The following C3orf33 variants were observed in gnomAD, a reference collection of about 807,000 sequenced individuals.
C3orf33 encodes the protein mitochondrial inner membrane subdomain organizer 1.
A neutral mutation model predicts 28.7 loss-of-function variants in C3orf33; 23 were observed. That is an observed-to-expected ratio of 0.80 (90% CI 0.58 to 1.13). C3orf33 has a LOEUF of 1.13. C3orf33 is among the 50% of genes most tolerant of loss of function. The pLI, the probability that C3orf33 is intolerant of heterozygous loss-of-function variation, is 0.00. For missense variants in C3orf33, 327 were observed against 353.4 expected (o/e 0.93, Z 0.60); for synonymous variants, 119 against 120.5 (o/e 0.99, Z 0.08).
At chr3:155,785,874 T>TA (rs1047484266) in intron 2 of C3orf33, among the ~76,000 whole-genome samples, 24 of 151,884 alleles carry the variant, frequency 1.6e-4, no homozygotes, top group African/African-American at 5.6e-4. Context: ...CCCTGTCTAC[T>TA]AAAAAAATAC....
intron 2 of C3orf33, among the ~76,000 whole-genome samples, chr3:155,781,928 T>A (rs1750936786): frequency 6.6e-6 from 1 of 150,614 alleles, no homozygotes; most frequent in Admixed American, 6.7e-5. Context: ...TACAAAAAAT[T>A]AGCCGGGTGT....
chr3:155,798,244 G>A (rs1001723381), intron 2 of C3orf33, among the ~76,000 whole-genome samples: 1 of 152,198 alleles, frequency 6.6e-6, no homozygotes, highest in East Asian at 1.9e-4. Context: ...AAATACCAAT[G>A]GCATTCTTCA....
intron 2 of C3orf33, among the ~76,000 whole-genome samples, chr3:155,778,151 A>AAAAC (rs1750807593): frequency 6.6e-6 from 1 of 151,508 alleles, no homozygotes; most frequent in Non-Finnish European, 1.5e-5. Flanking sequence ...CAAAAAAAAA[A>AAAAC]AAAAAAAAAA....
At chr3:155,769,446 C>A (rs1252543545) in intron 3 of C3orf33, among the ~76,000 whole-genome samples, 1 of 148,278 alleles carries the variant, frequency 6.7e-6, no homozygotes, top group East Asian at 2.0e-4. Context: ...CAAGATCGCA[C>A]CACTGCACTC....
intron 2 of C3orf33, among the ~76,000 whole-genome samples, chr3:155,797,415 T>A (rs1751506357): frequency 6.6e-6 from 1 of 152,110 alleles, no homozygotes; most frequent in Admixed American, 6.6e-5. Flanking sequence ...GATGCCCACT[T>A]TCACCACTGT....
At chr3:155,783,390 G>C (rs1750997895) in intron 2 of C3orf33, among the ~76,000 whole-genome samples, 1 of 151,796 alleles carries the variant, frequency 6.6e-6, no homozygotes, top group African/African-American at 2.4e-5. Context: ...CCTGACCTCA[G>C]GTGATCCACC....
chr3:155,786,948 C>G (rs563032328), intron 2 of C3orf33, among the ~76,000 whole-genome samples: 2 of 152,304 alleles, frequency 1.3e-5, no homozygotes, highest in African/African-American at 4.8e-5. Flanking sequence ...AATCTCCCAA[C>G]AAAAGGAAGC....
chr3:155,785,119 C>T (rs1751058881), intron 2 of C3orf33, among the ~76,000 whole-genome samples: 2 of 150,116 alleles, frequency 1.3e-5, no homozygotes, highest in Non-Finnish European at 3.0e-5. Context: ...AAAAAAGTTA[C>T]AACAGAAAAA....
At chr3:155,784,705 G>A (rs924600055) in intron 2 of C3orf33, among the ~76,000 whole-genome samples, 8 of 151,708 alleles carry the variant, frequency 5.3e-5, no homozygotes, top group African/African-American at 1.4e-4. Context: ...CAGCCTGGGT[G>A]AGAGAGTAAG....
intron 2 of C3orf33, among the ~76,000 whole-genome samples, chr3:155,776,397 T>G (rs750824271): frequency 3.3e-5 from 5 of 152,166 alleles, no homozygotes; most frequent in Non-Finnish European, 5.9e-5. Context: ...TTAGGTGATA[T>G]CCTGGAATCA....
At chr3:155,797,410 C>G (rs1017550843) in intron 2 of C3orf33, among the ~76,000 whole-genome samples, 1 of 152,048 alleles carries the variant, frequency 6.6e-6, no homozygotes, top group Non-Finnish European at 1.5e-5. Context: ...ACAAGGATGC[C>G]CACTTTCACC....
chr3:155,803,651 C>T (rs1453237808), intron 1 of C3orf33, among the ~76,000 whole-genome samples: 4 of 149,344 alleles, frequency 2.7e-5, no homozygotes, highest in South Asian at 4.2e-4. Context: ...GAGGCCGAGG[C>T]GGGTGGATCA....
At chr3:155,779,414 C>G (rs150129508) in intron 2 of C3orf33, among the ~76,000 whole-genome samples, 1 of 152,244 alleles carries the variant, frequency 6.6e-6, no homozygotes, top group East Asian at 1.9e-4. Context: ...CCTGCTGCAG[C>G]CTCCTGAGTA....
In C3orf33 at chr3:155,806,144, C is replaced by T; in HGVS notation, c.109G>A (p.Val37Ile). The change falls in exon 1 of 5, where the codon GTC (valine) becomes ATC (isoleucine). Residue 37 changes from valine (V) to isoleucine (I), a missense_variant. Val to Ile is a conservative substitution (Grantham distance 29, BLOSUM62 3). Transcript: ENST00000340171. ...AGACTGCGTGGCCCCAGTACCCGGACTAGGCGCAGGTGGTCGTCTGCCCAC... is the reference window on the plus strand; with the variant it reads ...AGACTGCGTGGCCCCAGTACCCGGATTAGGCGCAGGTGGTCGTCTGCCCAC... Reference protein sequence around the residue: ...SQWADDHLRLVRNISTGMAIA... With the variant: ...SQWADDHLRLIRNISTGMAIA... 2 of 1,463,862 alleles carry T rather than the reference C, an allele frequency of 1.4e-6. No homozygotes were observed. Among genetic ancestry groups the T allele is most frequent in the Non-Finnish European group, 1.8e-6 (2 of 1,099,640 alleles). 90.7% of individuals were successfully genotyped at this position (1,463,862 alleles called of 1,614,324 possible).
At position 155,763,568 on chromosome 3, in the gene C3orf33, T is replaced by C; in HGVS notation, c.834A>G (p.Ile278Met). 6.4e-7 allele frequency: 1 copy of C among 1,566,212 alleles called. No homozygotes were observed. The highest frequency in any genetic ancestry group is 8.6e-7 in the Non-Finnish European group (1 of 1,166,596). The part of the protein sequence containing the change: ...WKDNMNNCSL[I>M]LKFRELISRI... Reference sequence around the variant, plus strand: ...GACTTATAAGTTCTCTGAACTTCAGTATTAAGGAGCAGTTGTTCATGTTGT... The same window carrying C: ...GACTTATAAGTTCTCTGAACTTCAGCATTAAGGAGCAGTTGTTCATGTTGT... The change falls in exon 5 of 5, where the codon ATA becomes ATG. Residue 278 changes from isoleucine (I) to methionine (M), a missense_variant. Ile to Met is a conservative substitution (Grantham distance 10). Transcript: ENST00000340171.
chr3:155,797,476 GAAAT>G (rs1031512387), intron 2 of C3orf33, among the ~76,000 whole-genome samples: 10 of 152,018 alleles, frequency 6.6e-5, no homozygotes, highest in African/African-American at 2.2e-4. Context: ...ACAAAAGAAA[GAAAT>G]AAAGAGCATC....
At chr3:155,785,564 A>G (rs1751076135) in intron 2 of C3orf33, among the ~76,000 whole-genome samples, 1 of 152,202 alleles carries the variant, frequency 6.6e-6, no homozygotes, top group South Asian at 2.1e-4. Flanking sequence ...AAAATTTGCA[A>G]ATCTGTGGCA....
chr3:155,787,988 A>G (rs545422272), intron 2 of C3orf33, among the ~76,000 whole-genome samples: 54 of 151,524 alleles, frequency 3.6e-4, no homozygotes, highest in Admixed American at 9.2e-4. Flanking sequence ...TCAGCAGATC[A>G]AGACCATCCT....
intron 4 of C3orf33, among the ~76,000 whole-genome samples, chr3:155,767,091 A>G (rs1158102110): frequency 6.6e-6 from 1 of 152,044 alleles, no homozygotes; most frequent in Non-Finnish European, 1.5e-5. Context: ...CATCTCTACT[A>G]AAAATACAAA....
Sources: gnomAD v4.1 joint callset for allele counts (sites outside exome capture counted in the v4.1 genomes callset) on GRCh38, gnomAD v4.1.1 for gene constraint, MANE v1.5 for transcripts, NCBI Gene and HGNC (gene_info 2026-07-23, HGNC 2026-07-21) for gene names.